Variants in OR2C1 observed in about 807,000 individuals in gnomAD.
OR2C1 encodes olfactory receptor family 2 subfamily C member 1, also known as olfactory receptor 2C1.
For missense variants in OR2C1, 468 were observed against 388.3 expected, an observed-to-expected ratio of 1.21 and a Z score of -1.73; for synonymous variants, 209 against 167.3, an observed-to-expected ratio of 1.25 and a Z score of -1.92.
chr16:3,356,716 A>T lies in OR2C1; in HGVS notation c.776A>T (p.Tyr259Phe). ...FLFYGSASYG[Y>F]LLPAKNSKQD... ...TTCTATGGCTCAGCCAGCTATGGGT[A>T]TCTGCTTCCGGCCAAGAACAGCAAA... Residue 259 changes from tyrosine to phenylalanine, a missense_variant, in exon 1 of 1, where the codon TAT (tyrosine) becomes TTT (phenylalanine). Coordinates refer to ENST00000304936, the MANE Select transcript of OR2C1 (RefSeq NM_012368.3). 6.2e-7 allele frequency: 1 copy of T among 1,614,174 alleles called. No homozygotes were observed. The highest frequency in any genetic ancestry group is 8.5e-7 in the Non-Finnish European group (1 of 1,180,042).
the OR2C1 span, among the ~76,000 whole-genome samples, chr16:3,342,015 T>G: frequency 7.2e-5 from 11 of 152,310 alleles, no homozygotes; most frequent in African/African-American, 2.6e-4. Flanking sequence ...ACAGCCATAT[T>G]TACAATAGCC....
chr16:3,324,555 A>C, the OR2C1 span, among the ~76,000 whole-genome samples: 1 of 152,242 alleles, frequency 6.6e-6, no homozygotes, highest in Non-Finnish European at 1.5e-5. Flanking sequence ...TGACCAAGCA[A>C]CCATGAGAAA....
the OR2C1 span, among the ~76,000 whole-genome samples, chr16:3,327,695 C>T: frequency 6.6e-6 from 1 of 151,614 alleles, no homozygotes; most frequent in African/African-American, 2.4e-5. Context: ...CCTCAGAGTG[C>T]TTCATTCATT....
chr16:3,328,172 T>C, the OR2C1 span, among the ~76,000 whole-genome samples: 1 of 152,228 alleles, frequency 6.6e-6, no homozygotes, highest in Non-Finnish European at 1.5e-5. Context: ...AGTGTCCTGA[T>C]AGTCAAGAAG....
the OR2C1 span, among the ~76,000 whole-genome samples, chr16:3,335,804 A>G: frequency 9.8e-5 from 15 of 152,300 alleles, no homozygotes; most frequent in African/African-American, 3.6e-4. Context: ...TATTAGTTCT[A>G]AAAATTTTTT....
the OR2C1 span, among the ~76,000 whole-genome samples, chr16:3,333,265 A>T: frequency 2.0e-5 from 1 of 49,600 alleles, no homozygotes; most frequent in African/African-American, 7.7e-5. Context: ...GAGTTGTTTG[A>T]GTGCCTTATA....
chr16:3,331,219 CTTTTTGATGGG>C, the OR2C1 span, among the ~76,000 whole-genome samples: 2 of 152,164 alleles, frequency 1.3e-5, no homozygotes, highest in African/African-American at 4.8e-5. Context: ...CCTTCGCCCA[CTTTTTGATGGG>C]GTTGTTTGTT....
chr16:3,331,828 A>C, the OR2C1 span, among the ~76,000 whole-genome samples: 3 of 149,790 alleles, frequency 2.0e-5, no homozygotes, highest in Admixed American at 6.7e-5. Context: ...AACCAACCCA[A>C]ATGTCCAACA....
upstream of OR2C1, among the ~76,000 whole-genome samples, chr16:3,353,260 G>C (rs1164966352): frequency 6.6e-6 from 1 of 151,744 alleles, no homozygotes; most frequent in Admixed American, 6.6e-5. Context: ...GGGAGGCTGA[G>C]GCGGGCAGAT....
At chr16:3,347,539 C>T in the OR2C1 span, among the ~76,000 whole-genome samples, 1 of 151,582 alleles carries the variant, frequency 6.6e-6, no homozygotes, top group African/African-American at 2.4e-5. Flanking sequence ...TCCGTCCACA[C>T]CTCCACTCCT....
upstream of OR2C1, among the ~76,000 whole-genome samples, chr16:3,355,501 T>G (rs370496532): frequency 5.3e-4 from 53 of 100,210 alleles, no homozygotes; most frequent in East Asian, 0.015. Flanking sequence ...TAAGTTGGAG[T>G]CCAGGTGCAG....
the OR2C1 span, among the ~76,000 whole-genome samples, chr16:3,333,391 C>CA: frequency 6.6e-6 from 1 of 151,666 alleles, no homozygotes; most frequent in Admixed American, 6.6e-5. Context: ...GGCTGGAGTG[C>CA]GTGGCACGAT....
rs115378494 is a variant in OR2C1 at position 3,356,477 on chromosome 16, C to T, written c.537C>T (p.Cys179=). Residue 179 remains cysteine, a synonymous_variant, in exon 1 of 1, where the codon TGC becomes TGT. Coordinates refer to ENST00000304936, the MANE Select transcript of OR2C1 (RefSeq NM_012368.3). ...ACCGGAGGGTGGAGGGATTCCTCTG[C>T]GAGGTGCCTGCCATGATCAAACTGG... ...CGHRRVEGFL[C]EVPAMIKLAC... is the part of the protein sequence containing the mutation. 1,098 of 1,614,032 alleles carry T rather than the reference C, an allele frequency of 6.8e-4. 10 individuals carry two copies. In the African/African-American group the frequency reaches 0.012, roughly 18 times the overall value.
the OR2C1 span, among the ~76,000 whole-genome samples, chr16:3,340,121 A>T: frequency 6.6e-6 from 1 of 152,084 alleles, no homozygotes; most frequent in Non-Finnish European, 1.5e-5. Flanking sequence ...TCTACTAAAA[A>T]TACAAAAATT....
At chr16:3,349,276 A>G in the OR2C1 span, among the ~76,000 whole-genome samples, 48 of 152,324 alleles carry the variant, frequency 3.2e-4, no homozygotes, top group Admixed American at 1.7e-3. Flanking sequence ...AGTTCAGGTG[A>G]CAGACTGAGT....
chr16:3,327,917 C>T, the OR2C1 span, among the ~76,000 whole-genome samples: 1 of 152,078 alleles, frequency 6.6e-6, no homozygotes, highest in Non-Finnish European at 1.5e-5. Flanking sequence ...AGTTCACCTC[C>T]CTCTTAGTAA....
At chr16:3,345,843 C>CCTCT in the OR2C1 span, among the ~76,000 whole-genome samples, 1 of 6,004 alleles carries the variant, frequency 1.7e-4, no homozygotes, top group Admixed American at 2.4e-3. Context: ...CTCCTTCCTT[C>CCTCT]CTCCCTCCCT....
chr16:3,356,773 A>C lies in OR2C1; in HGVS notation c.833A>C (p.Tyr278Ser), dbSNP rs372042840. ...CAGGGCAAGTTCATTTCCCTGTTCTACTCGTTGGTCACACCCATGGTGAAT... is the reference window on the plus strand; with the variant it reads ...CAGGGCAAGTTCATTTCCCTGTTCTCCTCGTTGGTCACACCCATGGTGAAT... ...QDQGKFISLFYSLVTPMVNPL... is the reference protein window; with the variant it reads ...QDQGKFISLFSSLVTPMVNPL... The change falls in exon 1 of 1, where the codon TAC (tyrosine) becomes TCC (serine). Residue 278 changes from tyrosine to serine, a missense_variant. Tyr to Ser is a moderately radical substitution (Grantham distance 144). Transcript: ENST00000304936. 4 of 1,613,878 alleles carry C rather than the reference A, an allele frequency of 2.5e-6. No individual in the cohort carries two copies. The highest frequency in any genetic ancestry group is 1.3e-5 in the African/African-American group (1 of 74,864).
the OR2C1 span, among the ~76,000 whole-genome samples, chr16:3,344,681 C>T: frequency 8.6e-5 from 13 of 151,274 alleles, no homozygotes; most frequent in Admixed American, 4.6e-4. Flanking sequence ...GAGCCGAGAT[C>T]GGCGCCACTG....
Sources: gnomAD v4.1 joint callset for allele counts (sites outside exome capture counted in the v4.1 genomes callset) on GRCh38, gnomAD v4.1.1 for gene constraint, MANE v1.5 for transcripts, NCBI Gene and HGNC (gene_info 2026-07-23, HGNC 2026-07-21) for gene names.